The following GRID2 variants were observed in gnomAD, a reference collection of about 807,000 sequenced individuals.
GRID2 encodes glutamate ionotropic receptor delta type subunit 2, also known as glutamate receptor ionotropic, delta-2.
A neutral mutation model predicts 114.8 loss-of-function variants in GRID2; 33 were observed. The ratio of observed to expected loss-of-function variants is 0.29; its 90% CI spans 0.22 to 0.38. GRID2 has a LOEUF of 0.38. Among genes scored for constraint, GRID2 ranks in the 10% least tolerant of loss-of-function variants. GRID2 has a pLI of 1.00. For synonymous variants in GRID2, 505 were observed against 449.9 expected (o/e 1.12, Z -1.55); for missense variants, 1,184 against 1,257.7 (o/e 0.94, Z 0.89).
chr4:92,639,310 G>A (rs925966550), intron 2 of GRID2, among the ~76,000 whole-genome samples: 3 of 151,564 alleles, frequency 2.0e-5, no homozygotes, highest in Non-Finnish European at 4.4e-5. Flanking sequence ...TCTTATGTAT[G>A]TCTAAAAGAT....
intron 1 of GRID2, among the ~76,000 whole-genome samples, chr4:92,498,387 G>A (rs756989372): frequency 6.6e-6 from 1 of 151,792 alleles, no homozygotes; most frequent in Non-Finnish European, 1.5e-5. Context: ...TATGTGCCAA[G>A]TATGTTCCAG....
intron 8 of GRID2, among the ~76,000 whole-genome samples, chr4:93,273,767 T>C (rs1469619983): frequency 6.6e-6 from 1 of 152,150 alleles, no homozygotes; most frequent in Non-Finnish European, 1.5e-5. Flanking sequence ...TGGATGCCTT[T>C]ACAAGGTGGC....
chr4:93,145,909 C>T (rs532208311), intron 4 of GRID2, among the ~76,000 whole-genome samples: 1 of 151,378 alleles, frequency 6.6e-6, no homozygotes, highest in Non-Finnish European at 1.5e-5. Flanking sequence ...TAGTGATGAT[C>T]GAATGTCATG....
chr4:93,095,041 G>T (rs1247594888), intron 3 of GRID2, among the ~76,000 whole-genome samples: 1 of 151,596 alleles, frequency 6.6e-6, no homozygotes, highest in Non-Finnish European at 1.5e-5. Context: ...AAATAAAACA[G>T]AAAACAAAAT....
chr4:93,696,043 C>T (rs1726990969), intron 14 of GRID2, among the ~76,000 whole-genome samples: 1 of 152,184 alleles, frequency 6.6e-6, no homozygotes. Context: ...AGATGGATTT[C>T]TTATATGTAA....
intron 1 of GRID2, among the ~76,000 whole-genome samples, chr4:92,423,345 T>G (rs903204796): frequency 1.3e-5 from 2 of 152,132 alleles, no homozygotes; most frequent in Non-Finnish European, 1.5e-5. Flanking sequence ...CCAGTGAGTT[T>G]AGGAGATAAA....
intron 2 of GRID2, among the ~76,000 whole-genome samples, chr4:92,730,103 T>C (rs1736261771): frequency 6.6e-6 from 1 of 152,008 alleles, no homozygotes; most frequent in African/African-American, 2.4e-5. Context: ...AATAATTATA[T>C]CACATAGAAC....
chr4:92,317,237 T>C (rs1409448101), intron 1 of GRID2, among the ~76,000 whole-genome samples: 2 of 152,180 alleles, frequency 1.3e-5, no homozygotes, highest in Non-Finnish European at 2.9e-5. Context: ...ATGACAGTTT[T>C]ATGACATTTG....
At chr4:93,132,528 G>A (rs993956872) in intron 4 of GRID2, among the ~76,000 whole-genome samples, 1 of 152,128 alleles carries the variant, frequency 6.6e-6, no homozygotes, top group African/African-American at 2.4e-5. Flanking sequence ...CAGCATGGAT[G>A]CTAATTTCCA....
At chr4:93,587,350 A>G (rs72670655) in intron 13 of GRID2, among the ~76,000 whole-genome samples, 3,653 of 152,246 alleles carry the variant, frequency 0.024, 61 homozygotes, top group East Asian at 0.067. Flanking sequence ...TATTTGATAG[A>G]TATGTTAATT....
intron 2 of GRID2, among the ~76,000 whole-genome samples, chr4:92,863,659 T>C (rs1327846878): frequency 6.6e-6 from 1 of 152,142 alleles, no homozygotes; most frequent in Non-Finnish European, 1.5e-5. Context: ...TTTACTGTAC[T>C]ATGAAAAATA....
chr4:92,427,176 T>C (rs1229449828), intron 1 of GRID2, among the ~76,000 whole-genome samples: 4 of 152,204 alleles, frequency 2.6e-5, no homozygotes, highest in South Asian at 4.1e-4. Flanking sequence ...AAATAATACA[T>C]ACATTTTCAT....
chr4:92,645,801 T>A (rs1731585133), intron 2 of GRID2, among the ~76,000 whole-genome samples: 1 of 151,764 alleles, frequency 6.6e-6, no homozygotes, highest in Non-Finnish European at 1.5e-5. Context: ...TTGATAGTAT[T>A]TTTTCATCAA....
chr4:93,612,948 C>G (rs1468029837), intron 13 of GRID2, among the ~76,000 whole-genome samples: 2 of 147,382 alleles, frequency 1.4e-5, no homozygotes, highest in Admixed American at 1.4e-4. Context: ...TTCAGGTACA[C>G]CAATCAGACG....
At chr4:93,371,847 A>G (rs1165248557) in intron 8 of GRID2, among the ~76,000 whole-genome samples, 2 of 143,720 alleles carry the variant, frequency 1.4e-5, no homozygotes, top group Non-Finnish European at 1.5e-5. Context: ...TCCAAGGTTC[A>G]AGTGATTCTT....
chr4:93,421,626 T>C (rs77149765), intron 9 of GRID2, among the ~76,000 whole-genome samples: 2,076 of 152,280 alleles, frequency 0.014, 44 homozygotes, highest in African/African-American at 0.046. Context: ...TTTTTTATCA[T>C]TTTGAAAAAG....
intron 1 of GRID2, among the ~76,000 whole-genome samples, chr4:92,398,340 GC>G (rs1730609443): frequency 1.3e-5 from 2 of 151,966 alleles, no homozygotes; most frequent in Admixed American, 1.3e-4. Context: ...GAAACCTGTT[GC>G]CCAGACTGGA....
At chr4:93,409,292 G>A (rs1766861834) in intron 9 of GRID2, among the ~76,000 whole-genome samples, 1 of 152,072 alleles carries the variant, frequency 6.6e-6, no homozygotes, top group Non-Finnish European at 1.5e-5. Flanking sequence ...ACTTAAAAAA[G>A]GGAAGGGAAG....
At chr4:93,050,260 C>A (rs778057565) in intron 2 of GRID2, among the ~76,000 whole-genome samples, 12 of 151,968 alleles carry the variant, frequency 7.9e-5, no homozygotes, top group Non-Finnish European at 1.5e-4. Context: ...AATAAAAGTT[C>A]CTGAAATCCT....
Sources: allele counts gnomAD v4.1 joint callset (sites outside exome capture counted in the v4.1 genomes callset), GRCh38; gene constraint gnomAD v4.1.1; transcripts MANE v1.5; gene names NCBI Gene and HGNC (gene_info 2026-07-23, HGNC 2026-07-21).